Variants in WDR41 observed in about 807,000 individuals in gnomAD.
The protein encoded by WDR41 is WD repeat domain 41.
Under a neutral mutation model 69.3 loss-of-function variants are expected in WDR41, and 63 were observed. The ratio of observed to expected loss-of-function variants is 0.91; its 90% CI spans 0.74 to 1.12. The LOEUF (loss-of-function observed/expected upper bound fraction) is 1.12. Among genes scored for constraint, WDR41 ranks in the 50% most tolerant of loss-of-function variants. The pLI is 0.00. For synonymous variants in WDR41, 185 were observed against 192.1 expected (o/e 0.96, Z 0.31); for missense variants, 543 against 534.5 (o/e 1.02, Z -0.16).
At position 77,489,538 on chromosome 5, in the gene WDR41, G is replaced by C; in HGVS notation, c.86C>G (p.Thr29Ser). The change falls in exon 2 of 13, where the codon ACC becomes AGC. Residue 29 changes from threonine to serine, a missense_variant. Coordinates refer to ENST00000296679, the MANE Select transcript of WDR41 (RefSeq NM_018268.4). ...SPLQTIGEEQ[T>S]QNPYTELLVL... ...TAGCAGTTCAGTGTAGGGATTCTGGGTTTGTTCTTCACCTATTGTCTGTAA... is the reference window on the plus strand; with the variant it reads ...TAGCAGTTCAGTGTAGGGATTCTGGCTTTGTTCTTCACCTATTGTCTGTAA... 1.9e-6 allele frequency: 3 copies of C among 1,597,682 alleles called. No homozygotes were observed. The highest frequency in any genetic ancestry group is 2.6e-6 in the Non-Finnish European group (3 of 1,172,452).
chr5:77,437,593 C>T (rs909454936), intron 10 of WDR41, among the ~76,000 whole-genome samples, 169 bp from the exon 11 acceptor site: 1 of 152,056 alleles, frequency 6.6e-6, no homozygotes, highest in Admixed American at 6.6e-5. Context: ...CTAAAAGCAC[C>T]CTTTAGGAAA....
rs577991148 is a variant in WDR41, at chr5:77,592,580, G to A, written c.42+27899C>T. Among the ~76,000 whole-genome samples the A allele has an allele frequency of 2.6e-5, 4 of 152,254 alleles. No individual in the cohort carries two copies. The East Asian group carries it at 5.8e-4, about 22-fold the overall frequency. On this transcript the variant is annotated intron_variant, in intron 1 of 5. Coordinates refer to the WDR41 transcript ENST00000509971. ...ACCATTACAGTTTATGACTGCAAAAGTATACAAATTAAAATCAGCAAAAGA... is the reference window on the plus strand; with the variant it reads ...ACCATTACAGTTTATGACTGCAAAAATATACAAATTAAAATCAGCAAAAGA...
At chr5:77,550,861 A>C (rs1259330084) in intron 1 of WDR41, among the ~76,000 whole-genome samples, 1 of 152,244 alleles carries the variant, frequency 6.6e-6, no homozygotes, top group Non-Finnish European at 1.5e-5. Flanking sequence ...GGCCTGCATA[A>C]AGAAAATATA....
chr5:77,611,514 G>A (rs1403619555), intron 1 of WDR41, among the ~76,000 whole-genome samples: 15 of 152,094 alleles, frequency 9.9e-5, no homozygotes, highest in South Asian at 2.1e-4. Context: ...ACTCAAAACC[G>A]CTCAACTACA....
At chr5:77,541,487 CTT>C (rs11335010) in intron 1 of WDR41, among the ~76,000 whole-genome samples, 1,001 of 97,756 alleles carry the variant, frequency 0.01, 10 homozygotes, top group African/African-American at 0.03. Flanking sequence ...AAAAGGAATT[CTT>C]TTTTTTTTTT....
rs767963464 is a variant in WDR41, at chr5:77,451,365, T to G, written c.524-12A>C. Reference sequence around the variant, plus strand: ...CAAAGCACTAATACCTCCAAAAACATATAAAACAAAGTTCAAATTATTTTT... The same window carrying G: ...CAAAGCACTAATACCTCCAAAAACAGATAAAACAAAGTTCAAATTATTTTT... On this transcript the variant is annotated splice_polypyrimidine_tract_variant and intron_variant, in intron 6 of 12. Coordinates refer to ENST00000296679, the MANE Select transcript of WDR41 (RefSeq NM_018268.4). 6.2e-7 allele frequency: 1 copy of G among 1,610,898 alleles called. No homozygotes were observed. The highest frequency in any genetic ancestry group is 8.5e-7 in the Non-Finnish European group (1 of 1,178,502).
intron 1 of WDR41, among the ~76,000 whole-genome samples, chr5:77,587,812 C>T (rs1201231824): frequency 6.6e-6 from 1 of 152,044 alleles, no homozygotes; most frequent in Non-Finnish European, 1.5e-5. Context: ...GATTAGGACA[C>T]AAGGAGATTA....
At chr5:77,582,640 T>G (rs1358642822) in intron 1 of WDR41, 1 of 1,601,898 alleles carries the variant, frequency 6.2e-7, no homozygotes, top group African/African-American at 1.3e-5. Flanking sequence ...AGAACCCAAA[T>G]TGGCGTTTGT....
chr5:77,467,638 C>T (rs935283588), intron 2 of WDR41, among the ~76,000 whole-genome samples: 4 of 151,960 alleles, frequency 2.6e-5, no homozygotes, highest in African/African-American at 9.7e-5. Flanking sequence ...TATAACATGG[C>T]ACTTGCCAGT....
intron 1 of WDR41, among the ~76,000 whole-genome samples, chr5:77,554,301 T>C (rs1743351379): frequency 1.3e-5 from 2 of 152,202 alleles, no homozygotes. Context: ...GAAGTAGTTG[T>C]TCTGGTCTGA....
At position 77,433,012 on chromosome 5, in the gene WDR41, T is replaced by C. The variant is rs335631; in HGVS notation, c.*123A>G. 0.08 allele frequency: 92,208 copies of C among 1,156,450 alleles called. 4,845 individuals carry two copies. Among genetic ancestry groups the C allele is most frequent in the South Asian group, 0.2 (10,822 of 54,236 alleles). 71.6% of individuals were successfully genotyped at this position (1,156,450 alleles called of 1,614,324 possible). On this transcript the variant is annotated 3_prime_UTR_variant, in exon 13 of 13. Coordinates refer to ENST00000296679, the MANE Select transcript of WDR41 (RefSeq NM_018268.4). ...TAGGTCCACAAAAAATTTAAACATG[T>C]AGAATTTTATGGACTGACAAAAAAA...
intron 9 of WDR41, among the ~76,000 whole-genome samples, chr5:77,439,637 G>C (rs1185081866): frequency 6.6e-6 from 1 of 152,138 alleles, no homozygotes; most frequent in Non-Finnish European, 1.5e-5. Context: ...TTACTCAATG[G>C]GGATGCTATC....
At chr5:77,572,131 C>T (rs1026727471) in intron 1 of WDR41, among the ~76,000 whole-genome samples, 4 of 152,150 alleles carry the variant, frequency 2.6e-5, no homozygotes, top group Admixed American at 2.6e-4. Flanking sequence ...AGAAGGTTCA[C>T]TTTATAAAAG....
At chr5:77,558,094 T>TTTAAAAAAAA (rs1554036365) in intron 1 of WDR41, among the ~76,000 whole-genome samples, 187 of 104,204 alleles carry the variant, frequency 1.8e-3, no homozygotes, top group Non-Finnish European at 3.2e-3. Context: ...ATGTTCTTTT[T>TTTAAAAAAAA]AAAAAAAAAA....
At chr5:77,565,833 T>C (rs989830498) in intron 1 of WDR41, among the ~76,000 whole-genome samples, 11 of 152,142 alleles carry the variant, frequency 7.2e-5, no homozygotes, top group African/African-American at 2.7e-4. Flanking sequence ...ATAGACAGAG[T>C]GTAAATGTCA....
chr5:77,460,209 T>TC (rs1173148057), intron 4 of WDR41, among the ~76,000 whole-genome samples: 1 of 152,172 alleles, frequency 6.6e-6, no homozygotes, highest in Non-Finnish European at 1.5e-5. Context: ...TTAATGCACC[T>TC]CCCTTTCACA....
At chr5:77,439,482 G>T (rs1220036522) in intron 9 of WDR41, among the ~76,000 whole-genome samples, 1 of 152,208 alleles carries the variant, frequency 6.6e-6, no homozygotes, top group African/African-American at 2.4e-5. Flanking sequence ...AAAATGGAAA[G>T]CCCTGTGGAT....
At chr5:77,464,014 G>A (rs1800180109) in intron 3 of WDR41, among the ~76,000 whole-genome samples, 3 of 151,866 alleles carry the variant, frequency 2.0e-5, no homozygotes, top group East Asian at 1.9e-4. Context: ...GGGAGGCTCT[G>A]AAGAAACTGG....
chr5:77,471,053 G>C (rs1270178253), intron 2 of WDR41, among the ~76,000 whole-genome samples: 1 of 152,076 alleles, frequency 6.6e-6, no homozygotes, highest in Non-Finnish European at 1.5e-5. Flanking sequence ...AAATGTAAAA[G>C]AACAGAAATT....
Sources: gnomAD v4.1 joint callset for allele counts (sites outside exome capture counted in the v4.1 genomes callset) on GRCh38, gnomAD v4.1.1 for gene constraint, MANE v1.5 for transcripts, NCBI Gene and HGNC (gene_info 2026-07-23, HGNC 2026-07-21) for gene names.